Variants in MOB4 observed in about 807,000 individuals in gnomAD.
MOB4 encodes the protein MOB-like protein phocein.
MOB4 carries 4 observed loss-of-function variants against 32.2 expected under a neutral mutation model. That is an observed-to-expected ratio of 0.12 (90% confidence interval 0.06 to 0.28). The LOEUF is 0.28. Among genes scored for constraint, MOB4 ranks in the 10% least tolerant of loss-of-function variants. MOB4 has a pLI of 1.00. For missense variants in MOB4, 158 were observed against 271.2 expected (o/e 0.58, Z 2.93); for synonymous variants, 88 against 88.1 (o/e 1.00, Z 0.01).
intron 2 of MOB4, among the ~76,000 whole-genome samples, chr2:197,528,555 T>C (rs1225793183): frequency 2.0e-5 from 3 of 152,130 alleles, no homozygotes; most frequent in African/African-American, 7.2e-5. Context: ...TACCCAGATA[T>C]TTACAATGTC....
intron 3 of MOB4, among the ~76,000 whole-genome samples, chr2:197,538,348 CT>C (rs547415967): frequency 1.2e-3 from 168 of 144,048 alleles, no homozygotes; most frequent in African/African-American, 4.0e-3. Flanking sequence ...TCTTTTATCT[CT>C]TTATTGTATT....
chr2:197,516,588 A>G (rs1243565650), intron 1 of MOB4: 2 of 480,166 alleles, frequency 4.2e-6, no homozygotes, highest in African/African-American at 4.0e-5. Flanking sequence ...TCCAGTTCCT[A>G]CCTGGCCTGG....
chr2:197,537,078 A>T (rs1490448993), intron 3 of MOB4, among the ~76,000 whole-genome samples: 2 of 152,126 alleles, frequency 1.3e-5, no homozygotes, highest in Non-Finnish European at 2.9e-5. Flanking sequence ...TCCAGTTCCT[A>T]GTCTAGGCTT....
intron 5 of MOB4, among the ~76,000 whole-genome samples, chr2:197,545,146 C>T (rs1172760774): frequency 1.3e-5 from 2 of 152,138 alleles, no homozygotes; most frequent in Non-Finnish European, 2.9e-5. Flanking sequence ...ATGGAAACAA[C>T]CAAATATCCA....
intron 2 of MOB4, chr2:197,533,771 C>A (rs1318274535): frequency 4.3e-6 from 2 of 470,424 alleles, no homozygotes; most frequent in Non-Finnish European, 8.2e-6. Context: ...TCCCTGTCAT[C>A]ATGGTGTGTG....
chr2:197,519,176 G>T (rs531696313), intron 1 of MOB4, among the ~76,000 whole-genome samples: 1 of 152,202 alleles, frequency 6.6e-6, no homozygotes, highest in East Asian at 1.9e-4. Flanking sequence ...GATTACAGGC[G>T]CAAGCCACCA....
At chr2:197,528,704 C>T (rs913105074) in intron 2 of MOB4, among the ~76,000 whole-genome samples, 3 of 151,140 alleles carry the variant, frequency 2.0e-5, no homozygotes, top group Non-Finnish European at 4.4e-5. Flanking sequence ...CAAGCTCCAC[C>T]TCCTGGGTTC....
upstream of MOB4, chr2:197,516,031 G>T: frequency 3.9e-6 from 6 of 1,525,456 alleles, no homozygotes; most frequent in African/African-American, 1.4e-5. Flanking sequence ...CGCCCCCCGC[G>T]CAGGCTGCCG....
chr2:197,532,414 C>G (rs2086721509), intron 2 of MOB4, among the ~76,000 whole-genome samples: 2 of 152,110 alleles, frequency 1.3e-5, no homozygotes, highest in African/African-American at 2.4e-5. Flanking sequence ...TGGTTCATGC[C>G]TGTAATTCCA....
chr2:197,527,250 A>C (rs190624354), intron 2 of MOB4, among the ~76,000 whole-genome samples: 1 of 152,234 alleles, frequency 6.6e-6, no homozygotes, highest in Non-Finnish European at 1.5e-5. Flanking sequence ...TTGACATCTT[A>C]ACGATATTAA....
chr2:197,516,445 C>A, intron 1 of MOB4: 2 of 1,228,076 alleles, frequency 1.6e-6, no homozygotes, highest in South Asian at 3.1e-5. Context: ...GGCTTCTTCT[C>A]GCCTTGCCCC....
intron 6 of MOB4, 25 bp downstream of exon 6, chr2:197,548,440 G>A: frequency 1.5e-6 from 2 of 1,325,158 alleles, no homozygotes; most frequent in South Asian, 1.3e-5. Flanking sequence ...TAAACATAGT[G>A]TTAAACATTT....
chr2:197,546,577 TG>T (rs1212741123), intron 5 of MOB4, among the ~76,000 whole-genome samples: 3 of 152,044 alleles, frequency 2.0e-5, no homozygotes, highest in Non-Finnish European at 4.4e-5. Flanking sequence ...TCAAATTTTT[TG>T]TAGAGATAGG....
chr2:197,550,716 A>T lies in MOB4; in HGVS notation c.*70A>T. The T allele has an allele frequency of 6.9e-7, 1 of 1,458,682 alleles. No homozygotes were observed. Among genetic ancestry groups the T allele is most frequent in the Non-Finnish European group, 9.0e-7 (1 of 1,106,226 alleles). 90.4% of individuals were successfully genotyped at this position (1,458,682 alleles called of 1,614,324 possible). ...GTACTGTATATATCATTTTAGACAC[A>T]TCAATCATGTATCCATATTATAGCT... On this transcript the variant is annotated 3_prime_UTR_variant, in exon 8 of 8. Transcript: ENST00000323303.
At chr2:197,528,819 G>C (rs1448821411) in intron 2 of MOB4, among the ~76,000 whole-genome samples, 1 of 151,506 alleles carries the variant, frequency 6.6e-6, no homozygotes, top group Non-Finnish European at 1.5e-5. Flanking sequence ...GGGTTTCACT[G>C]TGTTAGCCAG....
At chr2:197,531,053 A>ATTTTTT (rs1043158763) in intron 2 of MOB4, among the ~76,000 whole-genome samples, 1 of 139,678 alleles carries the variant, frequency 7.2e-6, no homozygotes. Flanking sequence ...TTTTATTTTT[A>ATTTTTT]TTTTTTTTTT....
At chr2:197,525,128 C>T (rs939450529) in intron 2 of MOB4, among the ~76,000 whole-genome samples, 1 of 152,032 alleles carries the variant, frequency 6.6e-6, no homozygotes, top group Non-Finnish European at 1.5e-5. Context: ...AGCGGATCAC[C>T]AGGTCAGGAG....
chr2:197,523,707 T>C (rs1356422515), intron 2 of MOB4, 21 bp downstream of exon 2: 1 of 1,595,348 alleles, frequency 6.3e-7, no homozygotes, highest in South Asian at 1.2e-5. Flanking sequence ...TAGTTTCTTT[T>C]CACCCTGTGT....
chr2:197,544,227 A>T (rs2086950768), intron 5 of MOB4, among the ~76,000 whole-genome samples: 1 of 152,038 alleles, frequency 6.6e-6, no homozygotes, highest in African/African-American at 2.4e-5. Flanking sequence ...GTGCACCACC[A>T]TGCCAGGCTA....
Sources: allele counts gnomAD v4.1 joint callset (sites outside exome capture counted in the v4.1 genomes callset), GRCh38; gene constraint gnomAD v4.1.1; transcripts MANE v1.5; gene names NCBI Gene and HGNC (gene_info 2026-07-23, HGNC 2026-07-21).